Variants in DESI2 observed in about 807,000 individuals in gnomAD.
DESI2 encodes the protein desumoylating isopeptidase 2.
In DESI2, 10 loss-of-function variants were observed where a neutral mutation model predicts 24.1. The observed-to-expected ratio is 0.41, with a 90% CI of 0.26 to 0.70. DESI2 has a LOEUF of 0.70. DESI2 is among the 30% of genes least tolerant of loss of function. The probability of loss-of-function intolerance (pLI) is 0.29; values close to 1 mark genes in which losing one functional copy is unlikely to be tolerated. For missense variants in DESI2, 122 were observed against 234.9 expected (o/e 0.52, Z 3.14); for synonymous variants, 71 against 87.7 (o/e 0.81, Z 1.06).
At position 244,689,473 on chromosome 1, in the gene DESI2, AT is replaced by A; in HGVS notation, c.209+135del. On this transcript the variant is annotated intron_variant, in intron 3 of 4. Coordinates refer to ENST00000302550, the MANE Select transcript of DESI2 (RefSeq NM_016076.5). The surrounding 1 kb of genome is among the most constrained non-coding windows in gnomAD (Gnocchi z 4.0). The stretch of plus-strand genomic sequence containing the variant: ...ATGTCTCTTTGTTTTAATTGCTGAC[AT>A]TTTATATAACTCAAGTTTGCCTCAG... 1.8e-6 allele frequency: 1 copy of A among 560,646 alleles called. No homozygotes were observed. The highest frequency in any genetic ancestry group is 3.2e-6 in the Non-Finnish European group (1 of 311,634). 34.7% of individuals were successfully genotyped at this position (560,646 alleles called of 1,614,324 possible).
intron 1 of DESI2, among the ~76,000 whole-genome samples, chr1:244,666,765 A>T (rs1306255615): frequency 6.6e-6 from 1 of 152,186 alleles, no homozygotes; most frequent in Non-Finnish European, 1.5e-5. Flanking sequence ...TCCTTTTTAA[A>T]GACATAACTG....
chr1:244,704,094 A>G (rs754648008), intron 4 of DESI2, among the ~76,000 whole-genome samples: 5 of 152,234 alleles, frequency 3.3e-5, no homozygotes, highest in Non-Finnish European at 5.9e-5. Flanking sequence ...ATAGAGACAT[A>G]CTATTTAAAA....
At chr1:244,703,382 A>C (rs1369728813) in intron 4 of DESI2, among the ~76,000 whole-genome samples, 2 of 149,380 alleles carry the variant, frequency 1.3e-5, no homozygotes, top group Admixed American at 1.3e-4. Context: ...TTGAGATGGA[A>C]TCTCACTTTG....
intron 1 of DESI2, among the ~76,000 whole-genome samples, chr1:244,683,034 AG>A (rs1676673056): frequency 6.6e-6 from 1 of 152,156 alleles, no homozygotes; most frequent in Non-Finnish European, 1.5e-5. Context: ...AGCAGGGTGG[AG>A]GGTCAGTGGA....
chr1:244,700,502 C>G (rs989818293), intron 4 of DESI2, among the ~76,000 whole-genome samples: 2 of 152,084 alleles, frequency 1.3e-5, no homozygotes, highest in African/African-American at 4.8e-5. Flanking sequence ...ATATTCCAGG[C>G]TCATCTACAT....
intron 1 of DESI2, chr1:244,653,840 C>T: frequency 4.6e-6 from 2 of 436,752 alleles, no homozygotes; most frequent in East Asian, 1.4e-4. Context: ...AAGGTCACAG[C>T]TTTCGGGTGC....
intron 4 of DESI2, among the ~76,000 whole-genome samples, chr1:244,697,763 G>C (rs764849087): frequency 3.9e-5 from 6 of 152,012 alleles, no homozygotes; most frequent in Non-Finnish European, 8.8e-5. Flanking sequence ...CTCTCCTCCC[G>C]GAAGAAAGAA....
rs1379554251 is a variant in DESI2 at position 244,688,705 on chromosome 1, T to A, written c.116-544T>A. ...TTGCTGTGGTGATTGGATGGGAGGG[T>A]GGATGGGTATGTGTGTTAATTTGGC... On this transcript the variant is annotated intron_variant, in intron 2 of 4. Transcript: ENST00000302550. Among the ~76,000 whole-genome samples the A allele has an allele frequency of 5.0e-5, 3 of 60,362 alleles. No individual in the cohort carries two copies. The East Asian group carries it at 1.2e-3, about 25-fold the overall frequency. The allele number at this position is 60,362 out of a possible 152,430, so 39.6% of individuals were successfully genotyped here.
At chr1:244,680,020 C>CT (rs147614472) in intron 1 of DESI2, among the ~76,000 whole-genome samples, 151 of 81,812 alleles carry the variant, frequency 1.8e-3, no homozygotes, top group East Asian at 0.012. Flanking sequence ...TCTTTTTAGC[C>CT]TTTTTTTTTT....
chr1:244,668,895 T>G (rs1676140954), intron 1 of DESI2, among the ~76,000 whole-genome samples: 1 of 152,238 alleles, frequency 6.6e-6, no homozygotes, highest in East Asian at 1.9e-4. Flanking sequence ...GTACTTATTT[T>G]TGTAGTTATT....
chr1:244,667,966 G>A (rs1558653289), intron 1 of DESI2, among the ~76,000 whole-genome samples: 1 of 152,122 alleles, frequency 6.6e-6, no homozygotes, highest in African/African-American at 2.4e-5. Flanking sequence ...TATTTTACAT[G>A]GACTATTTCA....
At chr1:244,655,206 A>G (rs994085566) in intron 1 of DESI2, among the ~76,000 whole-genome samples, 3 of 152,218 alleles carry the variant, frequency 2.0e-5, no homozygotes, top group African/African-American at 7.2e-5. Context: ...CAAGTTTGTA[A>G]AATAGGTAGT....
intron 3 of DESI2, among the ~76,000 whole-genome samples, chr1:244,690,708 CAAAAAAAAAA>C (rs34260121): frequency 1.4e-5 from 1 of 70,372 alleles, no homozygotes; most frequent in South Asian, 4.1e-4. Flanking sequence ...TCCGTCTCAC[CAAAAAAAAAA>C]AAAAAAAGTG....
intron 4 of DESI2, among the ~76,000 whole-genome samples, chr1:244,701,822 T>C (rs1310773763): frequency 6.6e-6 from 1 of 152,240 alleles, no homozygotes; most frequent in Non-Finnish European, 1.5e-5. Context: ...TTTTTTTAGC[T>C]GAATAGTCTT....
chr1:244,667,295 A>C (rs1435791660), intron 1 of DESI2, among the ~76,000 whole-genome samples: 1 of 152,190 alleles, frequency 6.6e-6, no homozygotes, highest in Non-Finnish European at 1.5e-5. Context: ...ATGGGGATAC[A>C]GGTATTGGAT....
chr1:244,678,472 C>G (rs892483731), intron 1 of DESI2, among the ~76,000 whole-genome samples: 1 of 152,192 alleles, frequency 6.6e-6, no homozygotes, highest in Non-Finnish European at 1.5e-5. Context: ...GATGCCCACT[C>G]TGATAAGTTC....
intron 1 of DESI2, among the ~76,000 whole-genome samples, chr1:244,664,328 A>G (rs1216600820): frequency 6.6e-6 from 1 of 152,238 alleles, no homozygotes; most frequent in Non-Finnish European, 1.5e-5. Context: ...ATTATATTTG[A>G]GTGTATGTGT....
chr1:244,688,608 C>T (rs2148806946), intron 2 of DESI2, among the ~76,000 whole-genome samples: 1 of 152,246 alleles, frequency 6.6e-6, no homozygotes, highest in East Asian at 1.9e-4. Flanking sequence ...ATTTTGTTCT[C>T]CAGAGTTTGT....
chr1:244,659,403 G>A (rs1675760749), intron 1 of DESI2, among the ~76,000 whole-genome samples: 1 of 152,174 alleles, frequency 6.6e-6, no homozygotes, highest in African/African-American at 2.4e-5. Flanking sequence ...CAAGATCAAG[G>A]TGTTAGGCTC....
Sources: allele counts gnomAD v4.1 joint callset (sites outside exome capture counted in the v4.1 genomes callset), GRCh38; gene constraint gnomAD v4.1.1; non-coding constraint Gnocchi (gnomAD v3.1); transcripts MANE v1.5; gene names NCBI Gene and HGNC (gene_info 2026-07-23, HGNC 2026-07-21).